Variants in LHFPL3 observed in about 807,000 individuals in gnomAD.
LHFPL3 encodes LHFPL tetraspan subfamily member 3.
In LHFPL3, 5 loss-of-function variants were observed where a neutral mutation model predicts 19.3. The observed-to-expected ratio is 0.26, with a 90% CI of 0.14 to 0.54. LHFPL3 has a LOEUF of 0.54. Ranked by LOEUF, LHFPL3 falls within the 20% of genes least tolerant of loss-of-function variation. The pLI, the probability that LHFPL3 is intolerant of heterozygous loss-of-function variation, is 0.94. For missense variants in LHFPL3, 249 were observed against 307.4 expected (o/e 0.81, Z 1.42); for synonymous variants, 133 against 126.2 (o/e 1.05, Z -0.36).
intron 1 of LHFPL3, among the ~76,000 whole-genome samples, chr7:104,707,282 A>C (rs372419841): frequency 4.3e-4 from 66 of 152,354 alleles, no homozygotes; most frequent in African/African-American, 1.5e-3. Flanking sequence ...CATCCAGTTC[A>C]CTGAAAAGTA....
At chr7:104,794,468 G>A (rs914863854) in intron 2 of LHFPL3, among the ~76,000 whole-genome samples, 1 of 152,212 alleles carries the variant, frequency 6.6e-6, no homozygotes, top group Admixed American at 6.5e-5. Flanking sequence ...TGATAGCAAA[G>A]AAGTAGAATT....
At chr7:104,743,123 AAAAC>A (rs145980832) in intron 2 of LHFPL3, among the ~76,000 whole-genome samples, 2,624 of 152,128 alleles carry the variant, frequency 0.017, 69 homozygotes, top group African/African-American at 0.058. Flanking sequence ...TCCATCTCAA[AAAAC>A]AAACAAACAA....
chr7:104,521,522 G>GCC, intron 1 of LHFPL3, among the ~76,000 whole-genome samples: 1 of 151,920 alleles, frequency 6.6e-6, no homozygotes, highest in South Asian at 2.1e-4. Flanking sequence ...GGCAACAAAA[G>GCC]ACAAAATTGA....
At chr7:104,333,702 G>A (rs371888984) in intron 1 of LHFPL3, among the ~76,000 whole-genome samples, 2 of 152,330 alleles carry the variant, frequency 1.3e-5, no homozygotes, top group African/African-American at 4.8e-5. Flanking sequence ...TGCAAGAAGA[G>A]CCTTTGAAAT....
At chr7:104,555,599 G>A (rs1313231297) in intron 1 of LHFPL3, among the ~76,000 whole-genome samples, 1 of 152,188 alleles carries the variant, frequency 6.6e-6, no homozygotes, top group Non-Finnish European at 1.5e-5. Context: ...CCCACAACAT[G>A]TGAGAATTGT....
intron 1 of LHFPL3, among the ~76,000 whole-genome samples, chr7:104,654,578 T>G (rs984342266): frequency 6.6e-5 from 10 of 152,176 alleles, no homozygotes; most frequent in Non-Finnish European, 1.2e-4. Context: ...TGTACCTACC[T>G]TGTGGGAATA....
At chr7:104,742,719 A>G (rs938520092) in intron 2 of LHFPL3, among the ~76,000 whole-genome samples, 7 of 152,194 alleles carry the variant, frequency 4.6e-5, no homozygotes, top group Non-Finnish European at 1.0e-4. Context: ...AATATATTTC[A>G]ATTCTATGGA....
intron 1 of LHFPL3, among the ~76,000 whole-genome samples, chr7:104,551,629 A>G (rs1028145419): frequency 3.9e-5 from 6 of 152,194 alleles, no homozygotes; most frequent in Admixed American, 3.3e-4. Flanking sequence ...AATAATAGTT[A>G]CAGTGCCAGT....
chr7:104,485,015 T>G (rs1346761211), intron 1 of LHFPL3, among the ~76,000 whole-genome samples: 1 of 152,152 alleles, frequency 6.6e-6, no homozygotes, highest in East Asian at 1.9e-4. Context: ...TCTCCATAGG[T>G]GACACTGGGT....
chr7:104,563,527 C>G (rs534078367), intron 1 of LHFPL3, among the ~76,000 whole-genome samples: 162 of 152,374 alleles, frequency 1.1e-3, no homozygotes, highest in Admixed American at 3.3e-3. Flanking sequence ...GGCAATGCCT[C>G]GCCCTGCTTC....
intron 1 of LHFPL3, among the ~76,000 whole-genome samples, chr7:104,611,442 C>G (rs1031642834): frequency 5.3e-5 from 8 of 152,092 alleles, no homozygotes; most frequent in Non-Finnish European, 1.2e-4. Flanking sequence ...GCATGGCACA[C>G]CTTGTGTATT....
rs143390146 is a variant in LHFPL3 at position 104,375,478 on chromosome 7, C to G, written c.445+46254C>G. 3.5e-3 allele frequency among the ~76,000 whole-genome samples: 529 copies of G among 152,172 alleles called. 3 individuals carry two copies. Among genetic ancestry groups the G allele is most frequent in the African/African-American group, 0.012 (490 of 41,506 alleles). On this transcript the variant is annotated intron_variant, in intron 1 of 2. Transcript: ENST00000424859. ...GTTTGGCAAAATTGAAAGCTGTAAG[C>G]ACATTAAGATATTAGAGGTTCTGAA...
Position 104,809,422 on chromosome 7 carries a change from C to T in LHFPL3, c.682+72511C>T, listed in dbSNP as rs1430905825. On this transcript the variant is annotated intron_variant, in intron 2 of 2. Transcript: ENST00000424859. Reference sequence around the variant, plus strand: ...TAGGAGAGCAGATAAGGTTGCAGTGCATTCTAAAGTGACCATCCACGTTCT... The same window carrying T: ...TAGGAGAGCAGATAAGGTTGCAGTGTATTCTAAAGTGACCATCCACGTTCT... 4.6e-5 allele frequency among the ~76,000 whole-genome samples: 7 copies of T among 152,194 alleles called. No homozygotes were observed. The South Asian group carries it at 1.2e-3, about 27-fold the overall frequency.
At chr7:104,812,993 A>C (rs142771938) in intron 2 of LHFPL3, among the ~76,000 whole-genome samples, 1,850 of 151,956 alleles carry the variant, frequency 0.012, 20 homozygotes, top group Non-Finnish European at 0.02. Context: ...CACACCTGTA[A>C]TCCCACCAAG....
chr7:104,409,031 ATTTTTTT>A (rs11336631), intron 1 of LHFPL3, among the ~76,000 whole-genome samples: 26 of 128,640 alleles, frequency 2.0e-4, no homozygotes, highest in African/African-American at 6.7e-4. Context: ...CGCCCGGCTA[ATTTTTTT>A]TTTTTTTTTT....
At chr7:104,472,021 T>G (rs534738637) in intron 1 of LHFPL3, among the ~76,000 whole-genome samples, 29 of 151,788 alleles carry the variant, frequency 1.9e-4, no homozygotes, top group Non-Finnish European at 4.3e-4. Flanking sequence ...CTAGAAAAAG[T>G]TCAAAAATTA....
At chr7:104,482,793 G>A (rs893031086) in intron 1 of LHFPL3, among the ~76,000 whole-genome samples, 2 of 152,202 alleles carry the variant, frequency 1.3e-5, no homozygotes, top group Non-Finnish European at 2.9e-5. Flanking sequence ...CCCACTGCAG[G>A]TGTTCTCCCT....
chr7:104,633,857 T>TA (rs1791685257), intron 1 of LHFPL3, among the ~76,000 whole-genome samples: 1 of 152,182 alleles, frequency 6.6e-6, no homozygotes, highest in South Asian at 2.1e-4. Flanking sequence ...CAATATGAGG[T>TA]ATTCATTTTC....
At chr7:104,353,117 A>G (rs2116393429) in intron 1 of LHFPL3, among the ~76,000 whole-genome samples, 1 of 152,374 alleles carries the variant, frequency 6.6e-6, no homozygotes, top group East Asian at 1.9e-4. Context: ...TAAAGCCCCG[A>G]CATGTTCATG....
Sources: gnomAD v4.1 joint callset for allele counts (sites outside exome capture counted in the v4.1 genomes callset) on GRCh38, gnomAD v4.1.1 for gene constraint, MANE v1.5 for transcripts, NCBI Gene and HGNC (gene_info 2026-07-23, HGNC 2026-07-21) for gene names.